Variants in TEF observed in about 807,000 individuals in gnomAD.
TEF encodes the protein thyrotroph embryonic factor.
In TEF, 3 loss-of-function variants were observed where a neutral mutation model predicts 20.8. The ratio of observed to expected loss-of-function variants is 0.14; its 90% CI spans 0.07 to 0.37. The LOEUF (loss-of-function observed/expected upper bound fraction) is 0.37. TEF is among the 10% of genes least tolerant of loss of function. TEF has a pLI of 1.00. For missense variants in TEF, 296 were observed against 397.9 expected (o/e 0.74, Z 2.18); for synonymous variants, 180 against 171.1 (o/e 1.05, Z -0.41).
At chr22:41,383,180 C>T (rs2037056988) in intron 1 of TEF, among the ~76,000 whole-genome samples, 1 of 152,088 alleles carries the variant, frequency 6.6e-6, no homozygotes, top group South Asian at 2.1e-4. Context: ...ATGGATTTTC[C>T]TTTTTAAAAT....
In TEF at chr22:41,394,163, G is replaced by A; in HGVS notation, c.543G>A (p.Val181=). Reference sequence around the variant, plus strand: ...ACCCCAATTGTGTGGAAGTGGATGTGAACTTCAATCCGGACCCCGCCGACC... The same window carrying A: ...ACCCCAATTGTGTGGAAGTGGATGTAAACTTCAATCCGGACCCCGCCGACC... The part of the protein sequence containing the change: ...PIDPNCVEVD[V]NFNPDPADLV... Residue 181 remains valine, a synonymous_variant, in exon 3 of 4, where the codon GTG becomes GTA. Transcript: ENST00000266304. 1.2e-6 allele frequency: 2 copies of A among 1,614,156 alleles called. No individual in the cohort carries two copies. The highest frequency in any genetic ancestry group is 8.5e-7 in the Non-Finnish European group (1 of 1,180,028).
At chr22:41,369,727 AGTT>A (rs1263722257) in intron 1 of TEF, among the ~76,000 whole-genome samples, 1 of 152,210 alleles carries the variant, frequency 6.6e-6, no homozygotes, top group African/African-American at 2.4e-5. Context: ...GTACTTAAGT[AGTT>A]GTTGAAGTGG....
chr22:41,372,073 C>G (rs775162781), intron 1 of TEF, among the ~76,000 whole-genome samples: 1 of 152,114 alleles, frequency 6.6e-6, no homozygotes, highest in African/African-American at 2.4e-5. Flanking sequence ...CTTTCAGGGA[C>G]GAGGATGGGG....
chr22:41,368,696 C>G (rs566208353), intron 1 of TEF, among the ~76,000 whole-genome samples: 1 of 152,162 alleles, frequency 6.6e-6, no homozygotes, highest in Admixed American at 6.5e-5. Context: ...GCAGGGGCTC[C>G]GGAGCTCTCG....
chr22:41,394,675 C>T (rs1456085084), intron 3 of TEF, among the ~76,000 whole-genome samples: 9 of 152,230 alleles, frequency 5.9e-5, no homozygotes, highest in Non-Finnish European at 1.3e-4. Flanking sequence ...TTGTATGTTG[C>T]CATCCCCAGG....
At chr22:41,369,161 C>T in intron 1 of TEF, 1 of 985,308 alleles carries the variant, frequency 1.0e-6, no homozygotes, top group Non-Finnish European at 1.2e-6. Flanking sequence ...GGGCACTGCT[C>T]CTCAGATGAG....
At chr22:41,379,893 CAAAAAAAAA>C (rs1221059649), upstream of TEF, among the ~76,000 whole-genome samples, 3 of 45,136 alleles carry the variant, frequency 6.6e-5, no homozygotes, top group South Asian at 2.2e-3. Context: ...AACTCCGTCT[CAAAAAAAAA>C]AAAAAGAAAA....
intron 1 of TEF, 102 bp downstream of exon 1, chr22:41,382,303 G>T: frequency 2.9e-6 from 3 of 1,040,450 alleles, no homozygotes; most frequent in Non-Finnish European, 3.7e-6. Flanking sequence ...AGGGAGCAGT[G>T]GTCCAGCGGA....
At chr22:41,393,003 C>T (rs1378664016) in intron 2 of TEF, among the ~76,000 whole-genome samples, 3 of 151,762 alleles carry the variant, frequency 2.0e-5, no homozygotes, top group Non-Finnish European at 4.4e-5. Context: ...CCAGTGCACT[C>T]TACCCTGAGT....
intron 2 of TEF, among the ~76,000 whole-genome samples, chr22:41,392,684 AAAAAAAAAAAGACTAAGTGACTAGATGG>A: frequency 6.6e-6 from 1 of 151,112 alleles, no homozygotes; most frequent in Admixed American, 6.6e-5. Context: ...AAAAAAAAAA[AAAAAAAAAAAGACTAAGTGACTAGATGG>A]CACAGTAACA....
chr22:41,377,341 G>C (rs779925404), upstream of TEF: 1 of 152,050 alleles, frequency 6.6e-6, no homozygotes, highest in Admixed American at 6.5e-5. Context: ...GCCCAGGCTG[G>C]GCTACTGTTC....
chr22:41,396,002 ACCT>A lies in TEF; in HGVS notation c.*44_*46del, dbSNP rs1190431926. 6.3e-7 allele frequency: 1 copy of A among 1,582,512 alleles called. No individual in the cohort carries two copies. The highest frequency in any genetic ancestry group is 1.7e-5 in the Admixed American group (1 of 58,344). On this transcript the variant is annotated 3_prime_UTR_variant, in exon 4 of 4. Coordinates refer to ENST00000266304, the MANE Select transcript of TEF (RefSeq NM_003216.4). Reference sequence around the variant, plus strand: ...GGGCGGGGTACTGCCTGCACCTCAGACCTCTGCCTGGGGGCTCCCTGTAACCCC... The same window carrying A: ...GGGCGGGGTACTGCCTGCACCTCAGACTGCCTGGGGGCTCCCTGTAACCCC...
At chr22:41,387,080 T>G (rs2037106682) in intron 1 of TEF, among the ~76,000 whole-genome samples, 1 of 152,016 alleles carries the variant, frequency 6.6e-6, no homozygotes, top group African/African-American at 2.4e-5. Flanking sequence ...AATAATGAAT[T>G]AACCCTATGA....
chr22:41,377,410 T>G (rs545713847), upstream of TEF: 1 of 152,304 alleles, frequency 6.6e-6, no homozygotes, highest in East Asian at 1.9e-4. Flanking sequence ...CTCTCTAATC[T>G]CTCAGCCTTT....
At chr22:41,391,811 C>T (rs986226902) in intron 2 of TEF, among the ~76,000 whole-genome samples, 2 of 152,116 alleles carry the variant, frequency 1.3e-5, no homozygotes, top group African/African-American at 4.8e-5. Flanking sequence ...TTAGTAGAGA[C>T]GGGGTTTCAC....
At chr22:41,377,267 G>A (rs555531573), upstream of TEF, 3 of 152,258 alleles carry the variant, frequency 2.0e-5, no homozygotes, top group Non-Finnish European at 2.9e-5. Flanking sequence ...TAGTATTTGC[G>A]CTGCTGAGGC....
chr22:41,399,037 T>G lies in TEF; in HGVS notation c.*3077T>G, dbSNP rs1439620186. 1 of 152,588 alleles carries G rather than the reference T, an allele frequency of 6.6e-6. No individual in the cohort carries two copies. Among genetic ancestry groups the G allele is most frequent in the African/African-American group, 2.4e-5 (1 of 41,434 alleles). The allele number at this position is 152,588 out of a possible 1,614,324, so 9.5% of individuals were successfully genotyped here. A position where few individuals can be genotyped will look rare whatever the true frequency, so the allele number is the denominator to read the frequency against. On this transcript the variant is annotated 3_prime_UTR_variant, in exon 4 of 4. Transcript: ENST00000266304. ...GTGTTGGGGATGCCAGAACACCACT[T>G]GGTTTTATTTTTCTAAGTGCATGTG...
intron 1 of TEF, among the ~76,000 whole-genome samples, chr22:41,370,904 G>A (rs1180484610): frequency 1.3e-5 from 2 of 152,196 alleles, no homozygotes; most frequent in Non-Finnish European, 2.9e-5. Flanking sequence ...ATGGCTTCTT[G>A]GTGGCCTTCA....
upstream of TEF, chr22:41,377,246 C>G (rs1408698902): frequency 2.0e-5 from 3 of 152,224 alleles, no homozygotes; most frequent in African/African-American, 7.2e-5. Flanking sequence ...TTCTCTGTAT[C>G]ATTCCAATTT....
Sources: gnomAD v4.1 joint callset for allele counts (sites outside exome capture counted in the v4.1 genomes callset) on GRCh38, gnomAD v4.1.1 for gene constraint, MANE v1.5 for transcripts, NCBI Gene and HGNC (gene_info 2026-07-23, HGNC 2026-07-21) for gene names.